ZNF710: variants seen among roughly 807,000 people sequenced by gnomAD.
ZNF710 encodes zinc finger protein 710.
In ZNF710, 13 loss-of-function variants were observed where a neutral mutation model predicts 50.6. The ratio of observed to expected loss-of-function variants is 0.26; its 90% CI spans 0.17 to 0.41. The LOEUF (loss-of-function observed/expected upper bound fraction) is 0.41. Ranked by LOEUF, ZNF710 falls within the 10% of genes least tolerant of loss-of-function variation. The pLI is 1.00. For missense variants in ZNF710, 721 were observed against 936.6 expected (o/e 0.77, Z 3.01); for synonymous variants, 383 against 397.0 (o/e 0.96, Z 0.42).
chr15:90,019,447 C>T (rs1238097931), intron 1 of ZNF710, among the ~76,000 whole-genome samples: 1 of 152,152 alleles, frequency 6.6e-6, no homozygotes, highest in Non-Finnish European at 1.5e-5. Context: ...AGAAGAGAAT[C>T]ACTGGGCCAA....
chr15:90,068,404 A>G lies in ZNF710; in HGVS notation c.1267A>G (p.Lys423Glu). 1 of 1,613,516 alleles carries G rather than the reference A, an allele frequency of 6.2e-7. No homozygotes were observed. Reference protein sequence around the residue: ...GLDFSTLTQLKRHLASHQGPT... With the variant: ...GLDFSTLTQLERHLASHQGPT... ...GGACTTCTCCACCCTGACCCAGCTCAAGCGCCACCTGGCCTCCCACCAGGG... is the reference window on the plus strand; with the variant it reads ...GGACTTCTCCACCCTGACCCAGCTCGAGCGCCACCTGGCCTCCCACCAGGG... Residue 423 changes from lysine (K) to glutamate (E), a missense_variant, in exon 2 of 5, where the codon AAG becomes GAG. Physicochemically the swap from Lys to Glu is moderately conservative, Grantham distance 56 (BLOSUM62 1). Around this residue, in one of 3 missense-constraint regions of ZNF710, gnomAD observed 326 missense variants for 522.0 expected, o/e 0.62. Transcript: ENST00000268154. The surrounding 1 kb of genome is among the most constrained non-coding windows in gnomAD (Gnocchi z 5.0).
At chr15:90,046,070 G>T (rs1412546879) in intron 1 of ZNF710, among the ~76,000 whole-genome samples, 1 of 152,138 alleles carries the variant, frequency 6.6e-6, no homozygotes, top group Non-Finnish European at 1.5e-5. Context: ...CCAGGAAAAG[G>T]CATGGTCTCT....
chr15:90,027,670 G>T (rs559458821), intron 1 of ZNF710, among the ~76,000 whole-genome samples: 2 of 151,968 alleles, frequency 1.3e-5, no homozygotes, highest in Non-Finnish European at 2.9e-5. Context: ...TGGCCAACAT[G>T]GCAAAACCCT....
At chr15:90,061,045 A>G (rs1899990780) in intron 1 of ZNF710, among the ~76,000 whole-genome samples, 1 of 152,226 alleles carries the variant, frequency 6.6e-6, no homozygotes, top group African/African-American at 2.4e-5. Context: ...GGAAATAGTC[A>G]TCAAATTACA....
upstream of ZNF710, among the ~76,000 whole-genome samples, chr15:89,999,277 C>T (rs1897966840): frequency 6.6e-6 from 1 of 152,236 alleles, no homozygotes; most frequent in Non-Finnish European, 1.5e-5. Context: ...CTTGCTCCTT[C>T]GCCTGCAAAG....
chr15:90,001,243 T>A (rs921356302), upstream of ZNF710: 2 of 151,874 alleles, frequency 1.3e-5, no homozygotes, highest in Non-Finnish European at 1.5e-5. Context: ...AAACTTGGGC[T>A]GACAAGAGGG....
rs553942461 is a variant in ZNF710 at position 90,013,084 on chromosome 15, TTTTG to T, written c.-29+11478_-29+11481del. Among the ~76,000 whole-genome samples the T allele has an allele frequency of 1.9e-3, 282 of 152,242 alleles. 1 individual carries two copies. Among genetic ancestry groups the T allele is most frequent in the African/African-American group, 5.6e-3 (234 of 41,550 alleles). ...CCTTAGGTGTTCTGTGATTTTTGCTTTTTGTTTGTTTATTTATTTAGTTATTCAT... is the reference window on the plus strand; with the variant it reads ...CCTTAGGTGTTCTGTGATTTTTGCTTTTTGTTTATTTATTTAGTTATTCAT... On this transcript the variant is annotated intron_variant, in intron 1 of 4. Transcript: ENST00000268154.
rs957905020 is a variant in ZNF710, at chr15:90,040,004, G to A, written c.-28-27106G>A. Among the ~76,000 whole-genome samples the A allele has an allele frequency of 2.0e-5, 3 of 152,320 alleles. No homozygotes were observed. Among genetic ancestry groups the A allele is most frequent in the Admixed American group, 6.5e-5 (1 of 15,302 alleles). Reference sequence around the variant, plus strand: ...TGAGGTGGCCAGAGAAGAGATCTCTGGACAAGTGTAATCTTGCTATCACAT... The same window carrying A: ...TGAGGTGGCCAGAGAAGAGATCTCTAGACAAGTGTAATCTTGCTATCACAT... On this transcript the variant is annotated intron_variant, in intron 1 of 4. Coordinates refer to ENST00000268154, the MANE Select transcript of ZNF710 (RefSeq NM_198526.4). The surrounding 1 kb of genome is among the most constrained non-coding windows in gnomAD (Gnocchi z 4.6).
intron 1 of ZNF710, among the ~76,000 whole-genome samples, chr15:90,022,555 G>A (rs1169577964): frequency 6.6e-6 from 1 of 152,200 alleles, no homozygotes; most frequent in East Asian, 1.9e-4. Flanking sequence ...CTGAGGCCTG[G>A]GAGGCCACTA....
chr15:90,007,532 A>G (rs1898169895), intron 1 of ZNF710, among the ~76,000 whole-genome samples: 1 of 151,954 alleles, frequency 6.6e-6, no homozygotes, highest in Admixed American at 6.6e-5. Flanking sequence ...GGCTCTAAGA[A>G]TTTGTCAAAT....
intron 1 of ZNF710, among the ~76,000 whole-genome samples, chr15:90,051,516 C>T (rs1899646176): frequency 6.6e-6 from 1 of 151,686 alleles, no homozygotes; most frequent in African/African-American, 2.4e-5. Context: ...GCCTGTAATC[C>T]CAATTATTTG....
chr15:90,054,487 C>T lies in ZNF710; in HGVS notation c.-28-12623C>T, dbSNP rs572077949. The stretch of plus-strand genomic sequence containing the variant: ...AGCTGAGGTGGAGAGGGCTGGGTCT[C>T]GGCCCTGGGCCCACCCAGCTGGGGC... On this transcript the variant is annotated intron_variant, in intron 1 of 4. Coordinates refer to ENST00000268154, the MANE Select transcript of ZNF710 (RefSeq NM_198526.4). Among the ~76,000 whole-genome samples the T allele has an allele frequency of 2.6e-4, 40 of 152,246 alleles. 1 individual carries two copies. In the South Asian group the frequency reaches 2.7e-3, roughly 10 times the overall value.
At chr15:90,048,764 C>T (rs937276422) in intron 1 of ZNF710, among the ~76,000 whole-genome samples, 3 of 152,178 alleles carry the variant, frequency 2.0e-5, no homozygotes, top group African/African-American at 7.2e-5. Flanking sequence ...GCATCTGTGA[C>T]GAGACTTCTA....
chr15:90,059,000 T>A (rs1348129743), intron 1 of ZNF710, among the ~76,000 whole-genome samples: 1 of 152,194 alleles, frequency 6.6e-6, no homozygotes. Flanking sequence ...ACAGGATACC[T>A]TCATAGCAAC....
chr15:90,035,660 G>A (rs1596279690), intron 1 of ZNF710, among the ~76,000 whole-genome samples: 1 of 152,352 alleles, frequency 6.6e-6, no homozygotes, highest in Middle Eastern at 3.4e-3. Flanking sequence ...CCTAATACCT[G>A]GTGGCTGAGT....
chr15:90,033,608 C>T (rs933240715), intron 1 of ZNF710, among the ~76,000 whole-genome samples: 2 of 152,168 alleles, frequency 1.3e-5, no homozygotes, highest in African/African-American at 4.8e-5. Context: ...AGTGCAGTGT[C>T]TGTTCACAGG....
rs550826482 is a variant in ZNF710 at position 90,067,876 on chromosome 15, G to T, written c.739G>T (p.Val247Leu). 6.2e-7 allele frequency: 1 copy of T among 1,609,402 alleles called. No individual in the cohort carries two copies. The highest frequency in any genetic ancestry group is 8.5e-7 in the Non-Finnish European group (1 of 1,176,774). The change falls in exon 2 of 5, where the codon GTG (valine) becomes TTG (leucine). Residue 247 changes from valine (V) to leucine (L), a missense_variant. Physicochemically the swap from Val to Leu is conservative, Grantham distance 32. This residue lies in a region of ZNF710 where 326 missense variants were observed against 522.0 expected (regional missense o/e 0.62). Coordinates refer to ENST00000268154, the MANE Select transcript of ZNF710 (RefSeq NM_198526.4). The surrounding 1 kb of genome is among the most constrained non-coding windows in gnomAD (Gnocchi z 8.1). The stretch of plus-strand genomic sequence containing the variant: ...GCCTGTCAAGCCGGAACAGGGCTTC[G>T]TGTGGCAGGAGGCCAGTGAGTTCGA... ...PEPVKPEQGF[V>L]WQEASEFEAD...
chr15:90,018,606 C>G (rs1343691780), intron 1 of ZNF710, among the ~76,000 whole-genome samples: 1 of 152,220 alleles, frequency 6.6e-6, no homozygotes, highest in Non-Finnish European at 1.5e-5. Context: ...TTTCCGTAAA[C>G]CAGGACAGAG....
upstream of ZNF710, chr15:90,001,265 G>C (rs1300853381): frequency 6.6e-6 from 1 of 152,284 alleles, no homozygotes; most frequent in Non-Finnish European, 1.5e-5. Flanking sequence ...GGTGTTGGGG[G>C]TGGAAGGAAG....
Sources: allele counts gnomAD v4.1 joint callset (sites outside exome capture counted in the v4.1 genomes callset), GRCh38; gene constraint gnomAD v4.1.1; regional missense constraint gnomAD v4.1.1; non-coding constraint Gnocchi (gnomAD v3.1); transcripts MANE v1.5; gene names NCBI Gene and HGNC (gene_info 2026-07-23, HGNC 2026-07-21).